The following DPP6 variants were observed in gnomAD, a reference collection of about 807,000 sequenced individuals.
DPP6 encodes dipeptidyl peptidase like 6.
DPP6 carries 69 observed loss-of-function variants against 122.6 expected under a neutral mutation model. The ratio of observed to expected loss-of-function variants is 0.56; its 90% CI spans 0.46 to 0.69. The LOEUF (loss-of-function observed/expected upper bound fraction) is 0.69. Among genes scored for constraint, DPP6 ranks in the 30% least tolerant of loss-of-function variants. The probability of loss-of-function intolerance (pLI) is 0.00; values close to 1 mark genes in which losing one functional copy is unlikely to be tolerated. For missense variants in DPP6, 928 were observed against 1,116.9 expected, an observed-to-expected ratio of 0.83 and a Z score of 2.41; for synonymous variants, 418 against 433.1, an observed-to-expected ratio of 0.97 and a Z score of 0.43.
chr7:154,810,432 CAG>C (rs1353198879), intron 16 of DPP6, among the ~76,000 whole-genome samples: 1 of 152,154 alleles, frequency 6.6e-6, no homozygotes, highest in Non-Finnish European at 1.5e-5. Flanking sequence ...GCTGCTTGGA[CAG>C]AGTGTTAAAG....
the DPP6 span, among the ~76,000 whole-genome samples, chr7:153,757,337 C>T: frequency 3.4e-4 from 51 of 152,238 alleles, no homozygotes; most frequent in South Asian, 3.7e-3. Context: ...ACAAAATGTG[C>T]GCACAGCAGA....
upstream of DPP6, among the ~76,000 whole-genome samples, chr7:154,049,267 G>A (rs975795839): frequency 7.4e-5 from 9 of 121,930 alleles, no homozygotes; most frequent in African/African-American, 2.9e-4. Context: ...TGCCCATTGG[G>A]TACTTTTGCT....
chr7:154,547,035 A>G (rs964778169), intron 4 of DPP6, among the ~76,000 whole-genome samples: 20 of 152,258 alleles, frequency 1.3e-4, no homozygotes, highest in African/African-American at 4.6e-4. Context: ...TGTTCTGCAC[A>G]GAGCCCAGTG....
chr7:153,902,723 C>T (rs12531486), intron 1 of DPP6, among the ~76,000 whole-genome samples: 30,522 of 151,828 alleles, frequency 0.2, 3,140 homozygotes, highest in Middle Eastern at 0.23. Context: ...GTAATCCCAG[C>T]TGTTTGGGAG....
intron 3 of DPP6, among the ~76,000 whole-genome samples, chr7:154,499,406 C>T (rs145793472): frequency 2.0e-3 from 306 of 152,214 alleles, no homozygotes; most frequent in Non-Finnish European, 2.6e-3. Flanking sequence ...TCATATTCCA[C>T]GAGGCAAGTC....
At chr7:154,881,340 C>G (rs917317525) in intron 21 of DPP6, among the ~76,000 whole-genome samples, 1 of 152,220 alleles carries the variant, frequency 6.6e-6, no homozygotes, top group African/African-American at 2.4e-5. Flanking sequence ...GACGGAAGCA[C>G]AGGTGTGGGG....
intron 7 of DPP6, among the ~76,000 whole-genome samples, chr7:154,696,529 C>G (rs886474641): frequency 1.3e-5 from 2 of 152,198 alleles, no homozygotes; most frequent in Non-Finnish European, 2.9e-5. Context: ...ATTTCTTTGA[C>G]CCCACTACAG....
intron 15 of DPP6, among the ~76,000 whole-genome samples, chr7:154,805,293 CT>C (rs1359570810): frequency 6.6e-6 from 1 of 152,184 alleles, no homozygotes; most frequent in African/African-American, 2.4e-5. Context: ...TCTGCCCCCC[CT>C]GCCCCACCAC....
chr7:153,969,370 G>C (rs987503533), intron 1 of DPP6, among the ~76,000 whole-genome samples: 16 of 145,244 alleles, frequency 1.1e-4, no homozygotes, highest in Non-Finnish European at 1.9e-4. Context: ...AGTTTTGTTC[G>C]AGCTGCTTTA....
chr7:154,078,275 G>A (rs1444951069), intron 1 of DPP6, among the ~76,000 whole-genome samples: 1 of 151,700 alleles, frequency 6.6e-6, no homozygotes, highest in Non-Finnish European at 1.5e-5. Flanking sequence ...GCACAGAAAA[G>A]GGGCTTAATA....
intron 1 of DPP6, among the ~76,000 whole-genome samples, chr7:154,091,831 C>T (rs1378887791): frequency 1.3e-5 from 2 of 152,070 alleles, no homozygotes; most frequent in Non-Finnish European, 2.9e-5. Flanking sequence ...ATCCACTGCC[C>T]AGCATTTTGT....
chr7:154,810,519 G>A (rs1332173562), intron 16 of DPP6, among the ~76,000 whole-genome samples: 1 of 152,150 alleles, frequency 6.6e-6, no homozygotes, highest in African/African-American at 2.4e-5. Context: ...AGGGAGATTC[G>A]TATTTCTTTT....
intron 9 of DPP6, among the ~76,000 whole-genome samples, chr7:154,771,946 G>A (rs191438891): frequency 6.6e-6 from 1 of 152,318 alleles, no homozygotes; most frequent in African/African-American, 2.4e-5. Context: ...CGCCAGAAGA[G>A]CTGGTGGCTG....
intron 1 of DPP6, among the ~76,000 whole-genome samples, chr7:154,359,022 C>A (rs1197914157): frequency 6.6e-6 from 1 of 152,184 alleles, no homozygotes; most frequent in East Asian, 1.9e-4. Context: ...CAATATTCTT[C>A]TTTTAAAACT....
chr7:154,276,339 C>T (rs1804127010), intron 1 of DPP6, among the ~76,000 whole-genome samples: 1 of 152,160 alleles, frequency 6.6e-6, no homozygotes, highest in Non-Finnish European at 1.5e-5. Context: ...CCCCGTAGGC[C>T]TCTCAATCAT....
intron 8 of DPP6, among the ~76,000 whole-genome samples, chr7:154,736,842 G>C (rs1486160910): frequency 6.6e-6 from 1 of 152,158 alleles, no homozygotes; most frequent in African/African-American, 2.4e-5. Context: ...ACATATTCTA[G>C]GAACCTCCAC....
At chr7:154,237,747 C>G (rs982714022) in intron 1 of DPP6, among the ~76,000 whole-genome samples, 2 of 152,304 alleles carry the variant, frequency 1.3e-5, no homozygotes, top group African/African-American at 2.4e-5. Context: ...GCATTCTGTT[C>G]CTAAATGCTC....
chr7:153,872,861 A>T, the DPP6 span, among the ~76,000 whole-genome samples: 1 of 152,214 alleles, frequency 6.6e-6, no homozygotes, highest in African/African-American at 2.4e-5. Context: ...AGATTTCCAT[A>T]TACCTATGTA....
chr7:154,606,107 A>G (rs1423978460), intron 5 of DPP6, among the ~76,000 whole-genome samples: 1 of 120,528 alleles, frequency 8.3e-6, no homozygotes, highest in African/African-American at 2.6e-5. Flanking sequence ...TTTCATGACA[A>G]GGATTAATTT....
Sources: allele counts gnomAD v4.1 joint callset (sites outside exome capture counted in the v4.1 genomes callset), GRCh38; gene constraint gnomAD v4.1.1; transcripts MANE v1.5; gene names NCBI Gene and HGNC (gene_info 2026-07-23, HGNC 2026-07-21).